The following ST3GAL1 variants were observed in gnomAD, a reference collection of about 807,000 sequenced individuals.
ST3GAL1 encodes the protein CMP-N-acetylneuraminate-beta-galactosamide-alpha-2,3-sialyltransferase 1.
Under a neutral mutation model 34.1 loss-of-function variants are expected in ST3GAL1, and 16 were observed. That is an observed-to-expected ratio of 0.47 (90% CI 0.32 to 0.71). The LOEUF is 0.71. Ranked by LOEUF, ST3GAL1 falls within the 30% of genes least tolerant of loss-of-function variation. The pLI, the probability that ST3GAL1 is intolerant of heterozygous loss-of-function variation, is 0.04. For missense variants in ST3GAL1, 353 were observed against 447.4 expected (o/e 0.79, Z 1.90); for synonymous variants, 191 against 184.7 (o/e 1.03, Z -0.28).
rs377288937 is a variant in ST3GAL1 at position 133,460,338 on chromosome 8, A to G, written c.850-401T>C. 7.6e-4 allele frequency among the ~76,000 whole-genome samples: 115 copies of G among 152,282 alleles called. 4 individuals are homozygous for G. The South Asian group carries it at 0.023, about 31-fold the overall frequency. ...TTTGGGGCCAAGCAAACTGCCCCAA[A>G]TCCCAGCTCTGCCACTCCGTGGTGC... On this transcript the variant is annotated intron_variant, in intron 9 of 9. Transcript: ENST00000522652.
chr8:133,544,042 T>C (rs1017974385), intron 2 of ST3GAL1: 1 of 152,250 alleles, frequency 6.6e-6, no homozygotes, highest in African/African-American at 2.4e-5. Flanking sequence ...ATGTGCAGAA[T>C]ACATATCAAT....
chr8:133,462,053 G>T (rs1815533252), intron 8 of ST3GAL1, 59 bp from the exon 9 acceptor site: 1 of 1,609,026 alleles, frequency 6.2e-7, no homozygotes, highest in South Asian at 1.1e-5. Context: ...GACATGGAGC[G>T]CCTGTCAGAT....
intron 6 of ST3GAL1, 41 bp downstream of exon 6, chr8:133,465,853 G>C: frequency 6.3e-7 from 1 of 1,583,212 alleles, no homozygotes. Flanking sequence ...AGGGGCCCCT[G>C]GGTGCAGCAC....
intron 1 of ST3GAL1, among the ~76,000 whole-genome samples, chr8:133,561,539 C>T (rs1311710133): frequency 2.6e-5 from 4 of 151,948 alleles, no homozygotes; most frequent in Non-Finnish European, 5.9e-5. Context: ...AAATGGTGGT[C>T]GTGGTGGTTG....
At position 133,570,639 on chromosome 8, in the gene ST3GAL1, C is replaced by T. The variant is rs1819540138; in HGVS notation, c.-582+1054G>A. ...GCGCTCCGACGTCTCTGTGCCAAGC[C>T]GGGGCGCAAGCTCAACCCCCATCTC... On this transcript the variant is annotated intron_variant, in intron 1 of 9. Transcript: ENST00000522652. This position sits in a 1 kb window ranked among gnomAD's most constrained non-coding sequence, Gnocchi z 5.6. Among the ~76,000 whole-genome samples the T allele has an allele frequency of 6.6e-6, 1 of 152,200 alleles. No homozygotes were observed. Among genetic ancestry groups the T allele is most frequent in the African/African-American group, 2.4e-5 (1 of 41,452 alleles).
chr8:133,529,211 G>C (rs1007746599), intron 2 of ST3GAL1, among the ~76,000 whole-genome samples: 1 of 152,216 alleles, frequency 6.6e-6, no homozygotes, highest in South Asian at 2.1e-4. Flanking sequence ...AGTGCTTAAG[G>C]TGACGCAGAT....
intron 2 of ST3GAL1, among the ~76,000 whole-genome samples, chr8:133,526,561 A>G (rs1817980751): frequency 1.3e-5 from 2 of 152,166 alleles, no homozygotes; most frequent in South Asian, 4.1e-4. Flanking sequence ...GGTTCCTGAG[A>G]TACAATTATG....
At chr8:133,569,577 T>C (rs922474209) in intron 1 of ST3GAL1, among the ~76,000 whole-genome samples, 1 of 151,948 alleles carries the variant, frequency 6.6e-6, no homozygotes, top group Non-Finnish European at 1.5e-5. Context: ...GGCCCCACGC[T>C]GTACCCAGAT....
intron 2 of ST3GAL1, among the ~76,000 whole-genome samples, chr8:133,505,156 G>T (rs1817295261): frequency 6.6e-6 from 1 of 152,132 alleles, no homozygotes; most frequent in African/African-American, 2.4e-5. Context: ...TTGCACTTCT[G>T]TGTGTCTTGC....
intron 3 of ST3GAL1, among the ~76,000 whole-genome samples, chr8:133,494,182 C>G (rs1325327741): frequency 6.6e-6 from 1 of 152,068 alleles, no homozygotes; most frequent in African/African-American, 2.4e-5. Flanking sequence ...TTTACAAGAC[C>G]CCACAATATG....
chr8:133,517,442 C>T (rs566581776), intron 2 of ST3GAL1, among the ~76,000 whole-genome samples: 51 of 152,262 alleles, frequency 3.3e-4, no homozygotes, highest in Non-Finnish European at 4.3e-4. Context: ...CTCTGCCTCC[C>T]GGGTTCAAGC....
chr8:133,463,601 C>A lies in ST3GAL1; in HGVS notation c.684-142G>T, dbSNP rs1586583128. Reference sequence around the variant, plus strand: ...CCATAGCTTCCCTCAGGGACCCCCACCTCCCTACCCCAGCCGGGTTTCTGC... The same window carrying A: ...CCATAGCTTCCCTCAGGGACCCCCAACTCCCTACCCCAGCCGGGTTTCTGC... On this transcript the variant is annotated intron_variant, in intron 7 of 9. Coordinates refer to ENST00000522652, the MANE Select transcript of ST3GAL1 (RefSeq NM_173344.3). The A allele has an allele frequency of 1.3e-5, 11 of 823,578 alleles. No individual in the cohort carries two copies. The East Asian group carries it at 2.6e-4, about 19-fold the overall frequency. The allele number at this position is 823,578 out of a possible 1,614,324, so 51.0% of individuals were successfully genotyped here.
chr8:133,461,963 T>TGACA lies in ST3GAL1; in HGVS notation c.760_761insTGTC (p.Tyr254LeufsTer5). On this transcript the variant is annotated frameshift_variant, in exon 9 of 10. Transcript: ENST00000522652. LOFTEE classifies it high-confidence loss of function. This position sits in a 1 kb window ranked among gnomAD's most constrained non-coding sequence, Gnocchi z 4.7. ...CCCTTGCAGCCAGTTGTCAAAGACA[T>TGACA]ACTTGATGAAGGCTGGGTGGTAGAT... The TGACA allele has an allele frequency of 6.2e-7, 1 of 1,614,108 alleles. No homozygotes were observed. The highest frequency in any genetic ancestry group is 8.5e-7 in the Non-Finnish European group (1 of 1,180,024).
chr8:133,550,258 C>T (rs1818801476), intron 1 of ST3GAL1, among the ~76,000 whole-genome samples: 1 of 152,128 alleles, frequency 6.6e-6, no homozygotes, highest in African/African-American at 2.4e-5. Context: ...ATATTGAGTC[C>T]CTATTTCCCC....
At chr8:133,515,991 A>G (rs753739322) in intron 2 of ST3GAL1, among the ~76,000 whole-genome samples, 13 of 152,074 alleles carry the variant, frequency 8.5e-5, no homozygotes, top group Non-Finnish European at 1.8e-4. Flanking sequence ...GGTAGCTGGG[A>G]CTACAGGTGC....
chr8:133,541,895 G>A (rs554052161), intron 2 of ST3GAL1, among the ~76,000 whole-genome samples: 11 of 152,278 alleles, frequency 7.2e-5, no homozygotes, highest in South Asian at 2.1e-4. Flanking sequence ...TGGTGGCGGC[G>A]TTGATAGTGA....
intron 1 of ST3GAL1, among the ~76,000 whole-genome samples, chr8:133,548,744 C>G (rs1818742994): frequency 6.6e-6 from 1 of 152,220 alleles, no homozygotes; most frequent in Admixed American, 6.5e-5. Flanking sequence ...TTACTAAGCA[C>G]CGGGCATCAC....
In ST3GAL1 at chr8:133,459,910, T is replaced by G. The variant is rs1815433698; in HGVS notation, c.877A>C (p.Ser293Arg). 1.9e-6 allele frequency: 3 copies of G among 1,613,514 alleles called. No individual in the cohort carries two copies. The South Asian group carries it at 3.3e-5, about 18-fold the overall frequency. The change falls in exon 10 of 10, where the codon AGC becomes CGC. Residue 293 changes from serine to arginine, a missense_variant. Ser to Arg is a moderately radical substitution (Grantham distance 110). Transcript: ENST00000522652. The surrounding 1 kb of genome is among the most constrained non-coding windows in gnomAD (Gnocchi z 4.7). ...EVDLYGFGADSKGNWHHYWEN... is the reference protein window; with the variant it reads ...EVDLYGFGADRKGNWHHYWEN... ...CAGTAGTGGTGCCAGTTCCCTTTGC[T>G]GTCTGCCCCGAAGCCGTACAAGTCC...
At chr8:133,547,068 C>T (rs1818694210) in intron 1 of ST3GAL1, among the ~76,000 whole-genome samples, 1 of 151,746 alleles carries the variant, frequency 6.6e-6, no homozygotes, top group African/African-American at 2.4e-5. Context: ...AACTCTTAAC[C>T]ACTGCTGTCG....
Sources: gnomAD v4.1 joint callset for allele counts (sites outside exome capture counted in the v4.1 genomes callset) on GRCh38, gnomAD v4.1.1 for gene constraint, Gnocchi (gnomAD v3.1) non-coding constraint, MANE v1.5 for transcripts, NCBI Gene and HGNC (gene_info 2026-07-23, HGNC 2026-07-21) for gene names.